SPATA6: variants seen among roughly 807,000 people sequenced by gnomAD.
SPATA6 encodes the protein spermatogenesis-associated protein 6.
SPATA6 carries 56 observed loss-of-function variants against 65.3 expected under a neutral mutation model. The ratio of observed to expected loss-of-function variants is 0.86; its 90% CI spans 0.69 to 1.07. The LOEUF (loss-of-function observed/expected upper bound fraction) is 1.07. Among genes scored for constraint, SPATA6 ranks in the 50% least tolerant of loss-of-function variants. SPATA6 has a pLI of 0.00. For missense variants in SPATA6, 590 were observed against 594.8 expected (o/e 0.99, Z 0.08); for synonymous variants, 199 against 213.2 (o/e 0.93, Z 0.58).
chr1:48,421,554 T>C (rs921679812), intron 3 of SPATA6, among the ~76,000 whole-genome samples: 3 of 152,146 alleles, frequency 2.0e-5, no homozygotes, highest in Non-Finnish European at 2.9e-5. Context: ...CGTAAATAAA[T>C]ATTTGAAATA....
At chr1:48,427,434 CAAAAAAAAAAA>C (rs760835892) in intron 3 of SPATA6, among the ~76,000 whole-genome samples, 1 of 67,610 alleles carries the variant, frequency 1.5e-5, no homozygotes, top group Non-Finnish European at 3.3e-5. Flanking sequence ...AAAATTGAGG[CAAAAAAAAAAA>C]AAAAAGAAAA....
the SPATA6 span, among the ~76,000 whole-genome samples, chr1:48,264,315 A>G: frequency 1.3e-5 from 2 of 152,186 alleles, no homozygotes; most frequent in African/African-American, 4.8e-5. Context: ...ACACATTTCC[A>G]CCTTATCTTG....
At position 48,442,152 on chromosome 1, in the gene SPATA6, G is replaced by A. The variant is rs563917778; in HGVS notation, c.238+9400C>T. Among the ~76,000 whole-genome samples, 121 of 152,360 alleles carry A rather than the reference G, an allele frequency of 7.9e-4. 1 individual carries two copies. Among genetic ancestry groups the A allele is most frequent in the African/African-American group, 2.8e-3 (118 of 41,578 alleles). On this transcript the variant is annotated intron_variant, in intron 3 of 12. Transcript: ENST00000371847. ...GAATGGGATACAAAGGGCAGGTTAT[G>A]CCATAGTTAGTGATGTAACAGTACT...
At chr1:48,307,598 C>T (rs1645093524) in intron 11 of SPATA6, among the ~76,000 whole-genome samples, 1 of 151,022 alleles carries the variant, frequency 6.6e-6, no homozygotes, top group Admixed American at 6.6e-5. Flanking sequence ...TTTGTGTAGA[C>T]ATGTGGAAAT....
chr1:48,278,110 CA>C, the SPATA6 span, among the ~76,000 whole-genome samples: 4 of 152,204 alleles, frequency 2.6e-5, no homozygotes, highest in Non-Finnish European at 5.9e-5. Flanking sequence ...AACAGACCTG[CA>C]GCTGAGGGTC....
chr1:48,355,687 G>C lies in SPATA6; in HGVS notation c.1177C>G (p.His393Asp). The C allele has an allele frequency of 6.2e-7, 1 of 1,610,922 alleles. No homozygotes were observed. Among genetic ancestry groups the C allele is most frequent in the Non-Finnish European group, 8.5e-7 (1 of 1,178,176 alleles). ...AAACTAACATATAAATGTCTTTGAT[G>C]AGCCTGATGTGATTTCAAGACATTT... is the stretch of plus-strand genomic sequence containing the variant. Reference protein sequence around the residue: ...VKNVLKSHQAHQRHLYDERDL... With the variant: ...VKNVLKSHQADQRHLYDERDL... The change falls in exon 11 of 13, where the codon CAT becomes GAT. Residue 393 changes from histidine (H) to aspartate (D), a missense_variant. By Grantham distance (81) the His-to-Asp change is moderately conservative (BLOSUM62 -1). Transcript: ENST00000371847.
chr1:48,452,986 G>A lies in SPATA6; in HGVS notation c.189+8C>T, dbSNP rs1329810604. ...TTTGTTAATACTTGATCTGATATTT[G>A]AACTCACCTTTTCAAACACCATTCT... On this transcript the variant is annotated splice_region_variant and intron_variant, in intron 2 of 12. Coordinates refer to ENST00000371847, the MANE Select transcript of SPATA6 (RefSeq NM_019073.4). 1 of 1,609,998 alleles carries A rather than the reference G, an allele frequency of 6.2e-7. No individual in the cohort carries two copies. The highest frequency in any genetic ancestry group is 1.1e-5 in the South Asian group (1 of 89,784).
chr1:48,349,095 TAAA>T (rs1646447634), intron 11 of SPATA6, among the ~76,000 whole-genome samples: 1 of 152,048 alleles, frequency 6.6e-6, no homozygotes, highest in Non-Finnish European at 1.5e-5. Flanking sequence ...TAAATGACTA[TAAA>T]AATAGAATAT....
intron 3 of SPATA6, among the ~76,000 whole-genome samples, chr1:48,414,199 C>T (rs567212730): frequency 1.3e-5 from 2 of 152,302 alleles, no homozygotes; most frequent in Non-Finnish European, 2.9e-5. Flanking sequence ...ATTGGGCTCT[C>T]AAGTTTTTGT....
At chr1:48,349,403 T>C (rs1291588671) in intron 11 of SPATA6, among the ~76,000 whole-genome samples, 5 of 152,044 alleles carry the variant, frequency 3.3e-5, no homozygotes, top group African/African-American at 1.2e-4. Context: ...TATTCCAAAG[T>C]TATTTAGGTC....
intron 9 of SPATA6, among the ~76,000 whole-genome samples, chr1:48,382,610 C>CGGACG (rs1648819136): frequency 9.6e-6 from 1 of 103,886 alleles, no homozygotes; most frequent in African/African-American, 3.3e-5. Context: ...ACCTCCCTCC[C>CGGACG]GGACGGGGCG....
intron 11 of SPATA6, among the ~76,000 whole-genome samples, chr1:48,353,276 AAAT>A (rs1228855699): frequency 2.6e-5 from 4 of 152,022 alleles, no homozygotes; most frequent in Admixed American, 6.6e-5. Context: ...AAATCATAAA[AAAT>A]AATGTCACGT....
chr1:48,422,354 A>T (rs572672787), intron 3 of SPATA6, among the ~76,000 whole-genome samples: 35 of 152,342 alleles, frequency 2.3e-4, no homozygotes, highest in Admixed American at 1.7e-3. Flanking sequence ...TTTCTCCCTA[A>T]GAGCATCTGC....
At chr1:48,308,390 A>C (rs1266094758) in intron 11 of SPATA6, among the ~76,000 whole-genome samples, 1 of 152,100 alleles carries the variant, frequency 6.6e-6, no homozygotes, top group Non-Finnish European at 1.5e-5. Flanking sequence ...TTTTTACATA[A>C]ATTACATCTT....
intron 11 of SPATA6, among the ~76,000 whole-genome samples, chr1:48,317,258 G>A (rs1424362186): frequency 6.6e-6 from 1 of 152,130 alleles, no homozygotes; most frequent in East Asian, 1.9e-4. Flanking sequence ...ATTCACAATA[G>A]CAAGACTTGG....
intron 11 of SPATA6, among the ~76,000 whole-genome samples, chr1:48,342,652 A>T (rs1646253535): frequency 6.6e-6 from 1 of 151,830 alleles, no homozygotes; most frequent in Non-Finnish European, 1.5e-5. Context: ...GACTCAATTT[A>T]TAAAACATTC....
At chr1:48,451,700 T>C (rs372311871) in intron 2 of SPATA6, 100 bp from the exon 3 acceptor site, 12 of 1,122,410 alleles carry the variant, frequency 1.1e-5, no homozygotes, top group Middle Eastern at 2.0e-4. Flanking sequence ...ACAGAAACTT[T>C]TGACATTATT....
At chr1:48,456,254 C>T (rs1656990193) in intron 1 of SPATA6, among the ~76,000 whole-genome samples, 1 of 152,186 alleles carries the variant, frequency 6.6e-6, no homozygotes, top group Non-Finnish European at 1.5e-5. Flanking sequence ...GAAGGCCACT[C>T]TTTAGGAGAA....
intron 3 of SPATA6, among the ~76,000 whole-genome samples, chr1:48,451,027 T>C (rs75940296): frequency 3.3e-5 from 5 of 152,236 alleles, no homozygotes; most frequent in Non-Finnish European, 7.3e-5. Flanking sequence ...TATCTTTTTA[T>C]AGTTATTCTA....
Sources: allele counts gnomAD v4.1 joint callset (sites outside exome capture counted in the v4.1 genomes callset), GRCh38; gene constraint gnomAD v4.1.1; transcripts MANE v1.5; gene names NCBI Gene and HGNC (gene_info 2026-07-23, HGNC 2026-07-21).